The following SGCZ variants were observed in gnomAD, a reference collection of about 807,000 sequenced individuals.
SGCZ encodes sarcoglycan zeta.
SGCZ carries 40 observed loss-of-function variants against 41.3 expected under a neutral mutation model. The ratio of observed to expected loss-of-function variants is 0.97; its 90% CI spans 0.75 to 1.26. SGCZ has a LOEUF of 1.26. Among genes scored for constraint, SGCZ ranks in the 50% most tolerant of loss-of-function variants. SGCZ has a pLI of 0.00. For synonymous variants in SGCZ, 206 were observed against 137.5 expected, an observed-to-expected ratio of 1.50 and a Z score of -3.49; for missense variants, 552 against 369.8, an observed-to-expected ratio of 1.49 and a Z score of -4.04.
intron 1 of SGCZ, among the ~76,000 whole-genome samples, chr8:14,575,340 A>G (rs1340497209): frequency 1.3e-5 from 2 of 152,342 alleles, no homozygotes; most frequent in Non-Finnish European, 2.9e-5. Flanking sequence ...GGGAAAATAC[A>G]AGGTGAAACC....
intron 2 of SGCZ, among the ~76,000 whole-genome samples, chr8:14,549,930 C>A (rs1803748586): frequency 6.6e-6 from 1 of 151,874 alleles, no homozygotes; most frequent in African/African-American, 2.4e-5. Flanking sequence ...GTAAGGTCAA[C>A]AAAAGAAACT....
intron 2 of SGCZ, among the ~76,000 whole-genome samples, chr8:14,459,557 A>T (rs1374620861): frequency 6.6e-6 from 1 of 152,216 alleles, no homozygotes; most frequent in Non-Finnish European, 1.5e-5. Flanking sequence ...CAGAAGTTTG[A>T]GGAGAAGCAA....
At chr8:14,527,549 T>A (rs1461860) in intron 2 of SGCZ, among the ~76,000 whole-genome samples, 97,523 of 149,798 alleles carry the variant, frequency 0.65, 31,996 homozygotes, top group South Asian at 0.78. Flanking sequence ...CACCTTTTTT[T>A]AAAAAAACAT....
intron 1 of SGCZ, among the ~76,000 whole-genome samples, chr8:14,731,493 CCTGCACGTA>C (rs1810237769): frequency 3.3e-5 from 5 of 152,126 alleles, no homozygotes; most frequent in Admixed American, 3.3e-4. Flanking sequence ...AGGTAACAAA[CCTGCACGTA>C]CTGCACATGT....
At chr8:14,946,749 C>A (rs568455917) in intron 1 of SGCZ, among the ~76,000 whole-genome samples, 1 of 149,626 alleles carries the variant, frequency 6.7e-6, no homozygotes, top group Non-Finnish European at 1.5e-5. Context: ...AATCTCAGCT[C>A]ACTGCAACCT....
At chr8:14,368,028 A>C (rs1803775180) in intron 2 of SGCZ, among the ~76,000 whole-genome samples, 1 of 152,114 alleles carries the variant, frequency 6.6e-6, no homozygotes, top group South Asian at 2.1e-4. Flanking sequence ...TTCACAAAAC[A>C]GAAAGGTAGA....
intron 1 of SGCZ, among the ~76,000 whole-genome samples, chr8:15,226,604 C>G (rs1343146787): frequency 6.6e-6 from 1 of 151,616 alleles, no homozygotes; most frequent in South Asian, 2.1e-4. Flanking sequence ...CCCTTGGTGT[C>G]CCAGTTTCCA....
intron 1 of SGCZ, among the ~76,000 whole-genome samples, chr8:14,841,369 T>C (rs995104369): frequency 3.9e-5 from 6 of 152,070 alleles, no homozygotes; most frequent in African/African-American, 1.2e-4. Context: ...ATTTCATTTA[T>C]TGGATTTCAC....
chr8:14,566,009 G>A (rs1804347828), intron 1 of SGCZ, among the ~76,000 whole-genome samples: 1 of 152,020 alleles, frequency 6.6e-6, no homozygotes, highest in South Asian at 2.1e-4. Context: ...ATAAATCTAT[G>A]GGAAATTCGT....
intron 3 of SGCZ, among the ~76,000 whole-genome samples, chr8:14,254,808 A>G (rs79691596): frequency 2.0e-5 from 3 of 152,080 alleles, no homozygotes; most frequent in Non-Finnish European, 2.9e-5. Context: ...AATGTGAGTG[A>G]TCAATTTACT....
At chr8:14,160,888 C>A (rs965392182) in intron 5 of SGCZ, among the ~76,000 whole-genome samples, 8 of 152,166 alleles carry the variant, frequency 5.3e-5, no homozygotes, top group Non-Finnish European at 2.9e-5. Context: ...CTAAATGAAT[C>A]CATCCACTGA....
intron 2 of SGCZ, among the ~76,000 whole-genome samples, chr8:14,449,025 A>G (rs1177161006): frequency 3.9e-5 from 6 of 152,152 alleles, no homozygotes; most frequent in Admixed American, 1.3e-4. Flanking sequence ...AGACAAACAG[A>G]TAGAAGTGAA....
chr8:14,142,397 G>A (rs948832705), intron 5 of SGCZ, among the ~76,000 whole-genome samples: 2 of 152,076 alleles, frequency 1.3e-5, no homozygotes, highest in African/African-American at 2.4e-5. Flanking sequence ...AGGAACAGGA[G>A]GGGAGCTGGG....
At chr8:14,384,601 C>A (rs1008479254) in intron 2 of SGCZ, among the ~76,000 whole-genome samples, 4 of 152,050 alleles carry the variant, frequency 2.6e-5, no homozygotes, top group Non-Finnish European at 5.9e-5. Context: ...ACTCTGTTGC[C>A]CAGGCTGGAG....
chr8:14,720,657 C>A (rs1809855039), intron 1 of SGCZ, among the ~76,000 whole-genome samples: 1 of 152,002 alleles, frequency 6.6e-6, no homozygotes, highest in Non-Finnish European at 1.5e-5. Flanking sequence ...CACAACCCAG[C>A]CACATTCATT....
rs1377221521 is a variant in SGCZ, at chr8:14,963,281, A to T, written c.39+274304T>A. Among the ~76,000 whole-genome samples the T allele has an allele frequency of 2.0e-5, 3 of 152,286 alleles. 1 individual carries two copies. The highest frequency in any genetic ancestry group is 2.0e-4 in the Admixed American group (3 of 15,290). On this transcript the variant is annotated intron_variant, in intron 1 of 7. Coordinates refer to ENST00000382080, the MANE Select transcript of SGCZ (RefSeq NM_139167.4). ...AAAATGGAATTAGATTGGTAAATGT[A>T]ACAGTTCCAAACAGTGGAAGCTATC...
At chr8:14,825,626 C>T (rs1022738473) in intron 1 of SGCZ, among the ~76,000 whole-genome samples, 7 of 152,170 alleles carry the variant, frequency 4.6e-5, no homozygotes, top group African/African-American at 1.4e-4. Context: ...CATTCATCCC[C>T]ACATAAGCTT....
chr8:14,118,950 T>C (rs1483130322), intron 5 of SGCZ, among the ~76,000 whole-genome samples: 2 of 152,180 alleles, frequency 1.3e-5, no homozygotes, highest in South Asian at 4.1e-4. Flanking sequence ...TACCATGCTG[T>C]TTTGATTACT....
At chr8:14,302,708 C>T (rs1384186327) in intron 3 of SGCZ, among the ~76,000 whole-genome samples, 1 of 152,122 alleles carries the variant, frequency 6.6e-6, no homozygotes, top group South Asian at 2.1e-4. Context: ...TCAAGCTTCA[C>T]CTGTCCAAAC....
Sources: gnomAD v4.1 joint callset for allele counts (sites outside exome capture counted in the v4.1 genomes callset) on GRCh38, gnomAD v4.1.1 for gene constraint, MANE v1.5 for transcripts, NCBI Gene and HGNC (gene_info 2026-07-23, HGNC 2026-07-21) for gene names.